ADGRE3: variants seen among roughly 807,000 people sequenced by gnomAD.
ADGRE3 encodes adhesion G protein-coupled receptor E3, also known as EGF-like module receptor 3.
ADGRE3 carries 88 observed loss-of-function variants against 80.1 expected under a neutral mutation model. That is an observed-to-expected ratio of 1.10 (90% CI 0.93 to 1.31). ADGRE3 has a LOEUF of 1.31. ADGRE3 is among the 40% of genes most tolerant of loss of function. The pLI is 0.00. For synonymous variants in ADGRE3, 281 were observed against 294.8 expected (o/e 0.95, Z 0.48); for missense variants, 715 against 776.5 (o/e 0.92, Z 0.94).
the ADGRE3 span, chr19:14,600,150 C>G: frequency 6.2e-7 from 1 of 1,614,052 alleles, no homozygotes; most frequent in African/African-American, 1.3e-5. Flanking sequence ...GAATTACTCT[C>G]ACTTGGTCAT....
At chr19:14,631,968 G>A (rs1970894442) in intron 13 of ADGRE3, among the ~76,000 whole-genome samples, 1 of 152,058 alleles carries the variant, frequency 6.6e-6, no homozygotes, top group African/African-American at 2.4e-5. Context: ...TTATTTTTAT[G>A]ATTAAAATGA....
At chr19:14,628,103 G>C (rs1970781521) in intron 14 of ADGRE3, among the ~76,000 whole-genome samples, 1 of 151,898 alleles carries the variant, frequency 6.6e-6, no homozygotes, top group Non-Finnish European at 1.5e-5. Context: ...ACTCCAGCCT[G>C]GGCAACAAGA....
At chr19:14,611,566 C>T in the ADGRE3 span, among the ~76,000 whole-genome samples, 2 of 151,856 alleles carry the variant, frequency 1.3e-5, no homozygotes, top group African/African-American at 4.8e-5. Flanking sequence ...TCTAGAAAGG[C>T]ATACCAGCTG....
intron 11 of ADGRE3, among the ~76,000 whole-genome samples, chr19:14,633,708 A>AAAAAAT (rs1555755342): frequency 1.8e-4 from 22 of 123,748 alleles, no homozygotes; most frequent in Admixed American, 6.4e-4. Context: ...CCGTCTCAAA[A>AAAAAAT]AAAATAAAAT....
At chr19:14,674,271 T>C (rs1008449343) in intron 1 of ADGRE3, among the ~76,000 whole-genome samples, 1 of 151,430 alleles carries the variant, frequency 6.6e-6, no homozygotes, top group South Asian at 2.1e-4. Context: ...CTGAGGCGGG[T>C]GGATCACCTG....
At chr19:14,655,851 G>A (rs190167273) in intron 5 of ADGRE3, among the ~76,000 whole-genome samples, 40 of 152,096 alleles carry the variant, frequency 2.6e-4, no homozygotes, top group Admixed American at 1.8e-3. Flanking sequence ...GGGTGATTCT[G>A]CTACTCCCTC....
Position 14,641,635 on chromosome 19 carries a change from G to A in ADGRE3, c.1051-19C>T. On this transcript the variant is annotated intron_variant, in intron 9 of 15. Transcript: ENST00000253673. ...CCTCCTCCTGGGACCGAGAAAAAAAGTTCACAGTGATGCTTTCCTGCACTG... is the reference window on the plus strand; with the variant it reads ...CCTCCTCCTGGGACCGAGAAAAAAAATTCACAGTGATGCTTTCCTGCACTG... 6.2e-7 allele frequency: 1 copy of A among 1,612,992 alleles called. No homozygotes were observed. The highest frequency in any genetic ancestry group is 8.5e-7 in the Non-Finnish European group (1 of 1,179,560).
At chr19:14,671,409 G>T (rs1331031925) in intron 1 of ADGRE3, among the ~76,000 whole-genome samples, 2 of 151,984 alleles carry the variant, frequency 1.3e-5, no homozygotes, top group East Asian at 1.9e-4. Context: ...TTTAAATCCA[G>T]CAGCACAGCA....
chr19:14,643,874 C>T (rs956716786), intron 9 of ADGRE3, among the ~76,000 whole-genome samples: 7 of 152,004 alleles, frequency 4.6e-5, no homozygotes, highest in East Asian at 1.9e-4. Flanking sequence ...CTATGTTTGG[C>T]GAATTTTTGT....
chr19:14,618,964 A>C (rs2075100460), downstream of ADGRE3, among the ~76,000 whole-genome samples: 1 of 148,546 alleles, frequency 6.7e-6, no homozygotes, highest in Admixed American at 6.7e-5. Context: ...GGCCAGGTGC[A>C]GTGGCTCATG....
the ADGRE3 span, among the ~76,000 whole-genome samples, chr19:14,613,696 T>A: frequency 8.9e-5 from 12 of 135,498 alleles, no homozygotes; most frequent in African/African-American, 1.4e-4. Context: ...ATTAAAAAAA[T>A]TTTTTTTGAG....
chr19:14,662,137 A>G lies in ADGRE3; in HGVS notation c.200-19T>C, dbSNP rs376712265. 1.3e-4 allele frequency: 210 copies of G among 1,612,738 alleles called. No homozygotes were observed. Among genetic ancestry groups the G allele is most frequent in the Non-Finnish European group, 1.7e-4 (198 of 1,179,124 alleles). On this transcript the variant is annotated intron_variant, in intron 3 of 15. Coordinates refer to ENST00000253673, the MANE Select transcript of ADGRE3 (RefSeq NM_032571.5). ...TTAATGTCTGGAACACAAAGAAGCA[A>G]TTGGGTCATTCATTCAGCAAAGATT...
At chr19:14,666,539 G>A (rs1031897784) in intron 2 of ADGRE3, among the ~76,000 whole-genome samples, 1 of 152,046 alleles carries the variant, frequency 6.6e-6, no homozygotes, top group Non-Finnish European at 1.5e-5. Flanking sequence ...ATCACACCTG[G>A]ATAATTTTTG....
chr19:14,638,050 C>T, intron 11 of ADGRE3, 55 bp downstream of exon 11: 1 of 1,289,702 alleles, frequency 7.8e-7, no homozygotes, highest in Non-Finnish European at 1.1e-6. Context: ...TGAATGCTGC[C>T]CTCAAAAGCT....
intron 13 of ADGRE3, among the ~76,000 whole-genome samples, chr19:14,630,769 A>C (rs970786033): frequency 2.0e-5 from 3 of 152,196 alleles, no homozygotes; most frequent in African/African-American, 7.2e-5. Flanking sequence ...TAAAGATTAC[A>C]TGAGACTTTA....
At chr19:14,628,213 A>T (rs1194622178) in intron 14 of ADGRE3, among the ~76,000 whole-genome samples, 2 of 152,014 alleles carry the variant, frequency 1.3e-5, no homozygotes, top group African/African-American at 4.8e-5. Flanking sequence ...GAGATAAACT[A>T]AGGGAAGAGT....
intron 15 of ADGRE3, among the ~76,000 whole-genome samples, chr19:14,620,534 ATTTT>A (rs1970540141): frequency 5.6e-5 from 1 of 17,904 alleles, no homozygotes; most frequent in African/African-American, 4.1e-4. Context: ...GAATATATAT[ATTTT>A]ATATATATAT....
intron 11 of ADGRE3, among the ~76,000 whole-genome samples, chr19:14,635,999 CTT>C (rs372158899): frequency 7.0e-5 from 5 of 71,864 alleles, no homozygotes; most frequent in Non-Finnish European, 1.5e-4. Context: ...CTTTCTCTCT[CTT>C]TCTCTTTCTT....
intron 1 of ADGRE3, among the ~76,000 whole-genome samples, chr19:14,669,749 C>A (rs2146912662): frequency 6.6e-6 from 1 of 152,240 alleles, no homozygotes; most frequent in Middle Eastern, 3.4e-3. Context: ...CTCAGCCTCC[C>A]AAAGTGCCGG....
Sources: gnomAD v4.1 joint callset for allele counts (sites outside exome capture counted in the v4.1 genomes callset) on GRCh38, gnomAD v4.1.1 for gene constraint, MANE v1.5 for transcripts, NCBI Gene and HGNC (gene_info 2026-07-23, HGNC 2026-07-21) for gene names.